MACROD2: variants seen among roughly 807,000 people sequenced by gnomAD.
MACROD2 encodes the protein ADP-ribose glycohydrolase MACROD2.
In MACROD2, 36 loss-of-function variants were observed where a neutral mutation model predicts 70.4. That is an observed-to-expected ratio of 0.51 (90% CI 0.39 to 0.68). MACROD2 has a LOEUF of 0.68. Ranked by LOEUF, MACROD2 falls within the 30% of genes least tolerant of loss-of-function variation. MACROD2 has a pLI of 0.00. For synonymous variants in MACROD2, 172 were observed against 178.8 expected (o/e 0.96, Z 0.30); for missense variants, 496 against 538.4 (o/e 0.92, Z 0.78).
chr20:14,424,512 A>G (rs1006309139), intron 3 of MACROD2, among the ~76,000 whole-genome samples: 3 of 152,182 alleles, frequency 2.0e-5, no homozygotes, highest in African/African-American at 4.8e-5. Context: ...TTTTTGGGGA[A>G]GTAATTTTGA....
intron 2 of MACROD2, among the ~76,000 whole-genome samples, chr20:14,016,967 C>G (rs538586577): frequency 6.6e-6 from 1 of 152,152 alleles, no homozygotes; most frequent in East Asian, 1.9e-4. Context: ...TTTAGAGTTC[C>G]AATCCATGAA....
At chr20:15,690,370 G>T (rs1362560327) in intron 8 of MACROD2, among the ~76,000 whole-genome samples, 2 of 152,174 alleles carry the variant, frequency 1.3e-5, no homozygotes. Flanking sequence ...GATGCACTGT[G>T]GTGGTGTGAT....
intron 5 of MACROD2, among the ~76,000 whole-genome samples, chr20:14,889,598 G>T (rs567067265): frequency 2.6e-5 from 4 of 152,280 alleles, no homozygotes; most frequent in Admixed American, 6.5e-5. Context: ...ATCAGCTAAA[G>T]TGAGGACCGT....
chr20:14,812,195 G>A (rs55756110), intron 5 of MACROD2, among the ~76,000 whole-genome samples: 30,588 of 151,824 alleles, frequency 0.2, 3,311 homozygotes, highest in East Asian at 0.24. Context: ...CATCAATGTT[G>A]GACTGGATAA....
intron 8 of MACROD2, among the ~76,000 whole-genome samples, chr20:15,531,613 T>A (rs1467304487): frequency 1.3e-5 from 2 of 152,182 alleles, no homozygotes; most frequent in African/African-American, 4.8e-5. Context: ...CATTGTTATA[T>A]TTTTGAAGAA....
At chr20:16,032,633 G>T (rs916298806) in intron 15 of MACROD2, among the ~76,000 whole-genome samples, 3 of 149,852 alleles carry the variant, frequency 2.0e-5, no homozygotes, top group African/African-American at 7.4e-5. Flanking sequence ...AAAGAAGGAA[G>T]AAAAGAGGGA....
At chr20:15,443,488 G>A (rs1292334755) in intron 7 of MACROD2, among the ~76,000 whole-genome samples, 1 of 152,046 alleles carries the variant, frequency 6.6e-6, no homozygotes, top group Non-Finnish European at 1.5e-5. Context: ...TAACAAAATC[G>A]ACATGAAATT....
intron 8 of MACROD2, among the ~76,000 whole-genome samples, chr20:15,661,493 C>T (rs981612522): frequency 1.3e-5 from 2 of 152,186 alleles, no homozygotes; most frequent in African/African-American, 4.8e-5. Context: ...CATCCAATCT[C>T]TCGAGAGTGA....
chr20:15,697,715 G>A (rs11905048), intron 8 of MACROD2, among the ~76,000 whole-genome samples: 3,154 of 152,192 alleles, frequency 0.021, 114 homozygotes, highest in African/African-American at 0.066. Flanking sequence ...ATTAGTAATC[G>A]TTTTATAAAT....
chr20:14,710,081 T>C (rs1010329769), intron 5 of MACROD2, among the ~76,000 whole-genome samples: 4 of 152,198 alleles, frequency 2.6e-5, no homozygotes, highest in African/African-American at 7.2e-5. Context: ...CAAATTTGTA[T>C]AGAAGAAATC....
chr20:14,571,038 A>G (rs561032470), intron 4 of MACROD2, among the ~76,000 whole-genome samples: 37 of 152,146 alleles, frequency 2.4e-4, no homozygotes, highest in Admixed American at 1.1e-3. Context: ...GCCTTACTCC[A>G]AGGATTTTGA....
At chr20:15,213,620 G>A (rs560188453) in intron 5 of MACROD2, among the ~76,000 whole-genome samples, 5 of 152,266 alleles carry the variant, frequency 3.3e-5, no homozygotes, top group Admixed American at 2.6e-4. Context: ...GCATGGGTAA[G>A]TTGCTAAGTA....
chr20:14,445,789 G>A (rs750865235), intron 3 of MACROD2, among the ~76,000 whole-genome samples: 8 of 152,108 alleles, frequency 5.3e-5, no homozygotes, highest in South Asian at 4.1e-4. Context: ...ACCAATTGCC[G>A]TAATACATAA....
At chr20:15,398,788 T>C (rs1439220050) in intron 6 of MACROD2, among the ~76,000 whole-genome samples, 1 of 152,136 alleles carries the variant, frequency 6.6e-6, no homozygotes, top group Non-Finnish European at 1.5e-5. Flanking sequence ...TGTCTTTGCT[T>C]TCTTGTTTGT....
At chr20:14,021,751 T>C (rs772763726) in intron 2 of MACROD2, among the ~76,000 whole-genome samples, 8 of 152,334 alleles carry the variant, frequency 5.3e-5, no homozygotes, top group Admixed American at 2.6e-4. Flanking sequence ...AGTTTATTTC[T>C]AGTTTACCTG....
At chr20:14,844,664 GT>G (rs2073121406) in intron 5 of MACROD2, among the ~76,000 whole-genome samples, 1 of 152,012 alleles carries the variant, frequency 6.6e-6, no homozygotes, top group South Asian at 2.1e-4. Context: ...GACAAAAGGG[GT>G]ACTTCTTTCT....
chr20:15,820,003 C>T (rs1461172730), intron 8 of MACROD2, among the ~76,000 whole-genome samples: 2 of 151,954 alleles, frequency 1.3e-5, no homozygotes, highest in Non-Finnish European at 2.9e-5. Context: ...CTATATGTAT[C>T]CCATAATATC....
intron 3 of MACROD2, among the ~76,000 whole-genome samples, chr20:14,428,377 C>T (rs1463667366): frequency 1.3e-5 from 2 of 152,032 alleles, no homozygotes; most frequent in African/African-American, 2.4e-5. Flanking sequence ...ATCCCTCAGT[C>T]TAGTATTCAA....
chr20:15,377,307 C>A (rs561017360), intron 6 of MACROD2, among the ~76,000 whole-genome samples: 2 of 150,882 alleles, frequency 1.3e-5, no homozygotes, highest in African/African-American at 4.9e-5. Context: ...CTGGTCTCCA[C>A]AGGGGAAAAA....
Sources: allele counts gnomAD v4.1 joint callset (sites outside exome capture counted in the v4.1 genomes callset), GRCh38; gene constraint gnomAD v4.1.1; transcripts MANE v1.5; gene names NCBI Gene and HGNC (gene_info 2026-07-23, HGNC 2026-07-21).